BLACAT1: variants seen among roughly 807,000 people sequenced by gnomAD.
BLACAT1 encodes bladder cancer associated transcript 1.
rs1462200211 is a variant in BLACAT1 at position 205,450,804 on chromosome 1, G to A, written c.-37+5113C>T. Among the ~76,000 whole-genome samples, 2 of 152,194 alleles carry A rather than the reference G, an allele frequency of 1.3e-5. No homozygotes were observed. Among genetic ancestry groups the A allele is most frequent in the African/African-American group, 2.4e-5 (1 of 41,440 alleles). On this transcript the variant is annotated intron_variant, in intron 1 of 1. Transcript: ENST00000629624. The surrounding 1 kb of genome is among the most constrained non-coding windows in gnomAD (Gnocchi z 4.4). Reference sequence around the variant, plus strand: ...GGACTGGGCTGGGGATGGAGGTGGGGACAGCCATCATGTCTCAGGCTGGAG... The same window carrying A: ...GGACTGGGCTGGGGATGGAGGTGGGAACAGCCATCATGTCTCAGGCTGGAG...
At chr1:205,455,399 C>T (rs12081832) in intron 1 of BLACAT1, among the ~76,000 whole-genome samples, 4,239 of 152,230 alleles carry the variant, frequency 0.028, 201 homozygotes, top group African/African-American at 0.096. Context: ...ATGGCTTCTC[C>T]CAGGCCCCAA....
chr1:205,451,598 G>A (rs1410467435), intron 1 of BLACAT1, among the ~76,000 whole-genome samples: 1 of 152,156 alleles, frequency 6.6e-6, no homozygotes, highest in African/African-American at 2.4e-5. Context: ...AAGGAGGTGG[G>A]AGACAAAACA....
intron 1 of BLACAT1, among the ~76,000 whole-genome samples, chr1:205,442,089 G>T (rs989356957): frequency 2.6e-5 from 4 of 152,320 alleles, no homozygotes; most frequent in African/African-American, 9.6e-5. Context: ...AAAGGGAGCA[G>T]AAGTGCACTC....
chr1:205,435,137 C>G (rs562121099), downstream of BLACAT1: 3 of 152,222 alleles, frequency 2.0e-5, no homozygotes, highest in Admixed American at 6.5e-5. Flanking sequence ...TGCTACTTTA[C>G]AGAATTAATC....
intron 1 of BLACAT1, among the ~76,000 whole-genome samples, chr1:205,442,079 A>G (rs1325089955): frequency 6.6e-6 from 1 of 152,098 alleles, no homozygotes; most frequent in African/African-American, 2.4e-5. Flanking sequence ...GGGCCTATGG[A>G]AAGGGAGCAG....
At position 205,448,162 on chromosome 1, in the gene BLACAT1, G is replaced by A. The variant is rs992461594; in HGVS notation, c.-36-7100C>T. 2.6e-6 allele frequency: 1 copy of A among 387,394 alleles called. No homozygotes were observed. The highest frequency in any genetic ancestry group is 2.9e-5 in the Admixed American group (1 of 34,324). 24.0% of individuals were successfully genotyped at this position (387,394 alleles called of 1,614,324 possible). Reference sequence around the variant, plus strand: ...AACAGGGCCAGAAGGGAAGTGACTGGGCCAAGGTCACACGGCTTAGCCCCG... The same window carrying A: ...AACAGGGCCAGAAGGGAAGTGACTGAGCCAAGGTCACACGGCTTAGCCCCG... On this transcript the variant is annotated intron_variant, in intron 1 of 1. Coordinates refer to ENST00000629624, the Ensembl canonical transcript of BLACAT1. This position sits in a 1 kb window ranked among gnomAD's most constrained non-coding sequence, Gnocchi z 4.7.
intron 1 of BLACAT1, among the ~76,000 whole-genome samples, chr1:205,452,634 A>G (rs1666512625): frequency 1.3e-5 from 2 of 152,070 alleles, no homozygotes; most frequent in Admixed American, 1.3e-4. Flanking sequence ...GGTCCCAACA[A>G]CTCCAAAATT....
At chr1:205,454,271 T>C (rs1175431831) in intron 1 of BLACAT1, among the ~76,000 whole-genome samples, 1 of 152,182 alleles carries the variant, frequency 6.6e-6, no homozygotes, top group East Asian at 1.9e-4. Context: ...AGCAGGACTG[T>C]GGTCTCCCCT....
intron 1 of BLACAT1, among the ~76,000 whole-genome samples, chr1:205,447,294 G>A (rs1386003771): frequency 2.0e-5 from 3 of 152,340 alleles, no homozygotes; most frequent in Non-Finnish European, 4.4e-5. Context: ...AGGATGAAAT[G>A]GGTTAGTGCA....
intron 1 of BLACAT1, among the ~76,000 whole-genome samples, chr1:205,443,503 A>G (rs1666331825): frequency 6.6e-6 from 1 of 152,054 alleles, no homozygotes; most frequent in African/African-American, 2.4e-5. Flanking sequence ...AGGAAAGGAG[A>G]GCTAATGAAG....
chr1:205,446,319 G>T lies in BLACAT1; in HGVS notation c.-36-5257C>A, dbSNP rs570278745. ...CCCAGCAAAGCGAGGACTGTCTCGG[G>T]TGAGTTGCTGAGCTGTGGGCTTGCT... On this transcript the variant is annotated intron_variant, in intron 1 of 1. Transcript: ENST00000629624. Among the ~76,000 whole-genome samples the T allele has an allele frequency of 4.1e-4, 63 of 152,366 alleles. 1 individual carries two copies. Among genetic ancestry groups the T allele is most frequent in the Admixed American group, 3.0e-3 (46 of 15,302 alleles).
chr1:205,452,009 C>T (rs1343460698), intron 1 of BLACAT1, among the ~76,000 whole-genome samples: 7 of 151,906 alleles, frequency 4.6e-5, no homozygotes, highest in Admixed American at 2.6e-4. Context: ...CAGGCAGAAC[C>T]GGAGGCAGCA....
chr1:205,451,305 C>T (rs775298290), intron 1 of BLACAT1, among the ~76,000 whole-genome samples: 2 of 152,208 alleles, frequency 1.3e-5, no homozygotes, highest in Non-Finnish European at 2.9e-5. Flanking sequence ...CCACACCTAC[C>T]ACCAGTGGCC....
At chr1:205,435,763 G>A (rs1027960875), downstream of BLACAT1, 3 of 152,172 alleles carry the variant, frequency 2.0e-5, no homozygotes, top group Non-Finnish European at 2.9e-5. Flanking sequence ...CAGTCTCTCA[G>A]GGAGACCATG....
In BLACAT1 at chr1:205,453,213, C is replaced by T. The variant is rs556811095; in HGVS notation, c.-37+2704G>A. On this transcript the variant is annotated intron_variant, in intron 1 of 1. Transcript: ENST00000629624. ...GTGGGTGCAGTCCCTGGCCCAGAAC[C>T]AACGCACGAGAAGGCTAGTTTCATG... 4.6e-5 allele frequency among the ~76,000 whole-genome samples: 7 copies of T among 152,290 alleles called. No homozygotes were observed. The South Asian group carries it at 1.5e-3, about 32-fold the overall frequency.
chr1:205,437,520 C>T (rs1666229447), downstream of BLACAT1: 1 of 152,294 alleles, frequency 6.6e-6, no homozygotes, highest in Admixed American at 6.5e-5. Context: ...AGCAGAAGCT[C>T]TGGGTGACTT....
Position 205,448,313 on chromosome 1 carries a change from C to G in BLACAT1, c.-36-7251G>C, listed in dbSNP as rs775267014. ...GCTGCGCAGGAGAAGGAGCTCGCCC[C>G]TCACTGTAGCCCATGGCTTTTAGCC... On this transcript the variant is annotated intron_variant, in intron 1 of 1. Coordinates refer to ENST00000629624, the Ensembl canonical transcript of BLACAT1. The surrounding 1 kb of genome is among the most constrained non-coding windows in gnomAD (Gnocchi z 4.7). The G allele has an allele frequency of 5.6e-6, 3 of 531,582 alleles. No individual in the cohort carries two copies. The highest frequency in any genetic ancestry group is 1.2e-5 in the Non-Finnish European group (3 of 257,566). The allele number at this position is 531,582 out of a possible 1,614,324, so 32.9% of individuals were successfully genotyped here.
Position 205,448,573 on chromosome 1 carries a change from C to G in BLACAT1, c.-37+7344G>C, listed in dbSNP as rs1666443326. On this transcript the variant is annotated intron_variant, in intron 1 of 1. Coordinates refer to ENST00000629624, the Ensembl canonical transcript of BLACAT1. The surrounding 1 kb of genome is among the most constrained non-coding windows in gnomAD (Gnocchi z 4.7). ...CTTCCACCACCTGCACTAAAGCCAT[C>G]CCAGTAATGAGTTTCCAGTTCTTGC... Among the ~76,000 whole-genome samples the G allele has an allele frequency of 6.6e-6, 1 of 152,116 alleles. No individual in the cohort carries two copies. Among genetic ancestry groups the G allele is most frequent in the Non-Finnish European group, 1.5e-5 (1 of 68,018 alleles).
At chr1:205,442,307 C>A (rs968908198) in intron 1 of BLACAT1, among the ~76,000 whole-genome samples, 6 of 152,160 alleles carry the variant, frequency 3.9e-5, no homozygotes, top group African/African-American at 1.4e-4. Context: ...CCTCCCTTCT[C>A]CAGCCCCTCA....
Sources: gnomAD v4.1 joint callset for allele counts (sites outside exome capture counted in the v4.1 genomes callset) on GRCh38, gnomAD v4.1.1 for gene constraint, Gnocchi (gnomAD v3.1) non-coding constraint, MANE v1.5 for transcripts, NCBI Gene and HGNC (gene_info 2026-07-23, HGNC 2026-07-21) for gene names.